The following ZFHX3 variants were observed in gnomAD, a reference collection of about 807,000 sequenced individuals.
ZFHX3 encodes zinc finger homeobox 3, also known as zinc finger homeobox protein 3.
A neutral mutation model predicts 279.1 loss-of-function variants in ZFHX3; 42 were observed. The ratio of observed to expected loss-of-function variants is 0.15; its 90% CI spans 0.12 to 0.19. The LOEUF is 0.19. ZFHX3 is among the 10% of genes least tolerant of loss of function. The probability of loss-of-function intolerance (pLI) is 1.00; values close to 1 mark genes in which losing one functional copy is unlikely to be tolerated. For synonymous variants in ZFHX3, 2,293 were observed against 1,957.8 expected (o/e 1.17, Z -4.52); for missense variants, 4,981 against 4,754.0 (o/e 1.05, Z -1.40).
chr16:73,506,671 C>A (rs1457940042), intron 2 of ZFHX3, among the ~76,000 whole-genome samples: 3 of 152,164 alleles, frequency 2.0e-5, no homozygotes, highest in Non-Finnish European at 4.4e-5. Context: ...CGCGACCAAT[C>A]AGCCTTCTCC....
At chr16:73,559,880 C>T (rs2020344634) in intron 2 of ZFHX3, among the ~76,000 whole-genome samples, 1 of 152,148 alleles carries the variant, frequency 6.6e-6, no homozygotes, top group Admixed American at 6.5e-5. Context: ...CAGGCCTGAG[C>T]CTAGGACAAA....
intron 7 of ZFHX3, chr16:73,127,050 C>T (rs1423930955): frequency 4.2e-6 from 1 of 235,670 alleles, no homozygotes; most frequent in East Asian, 1.2e-4. Context: ...TCTTGACTCT[C>T]CAATTTCAGC....
At chr16:73,532,758 T>A (rs911861850) in intron 2 of ZFHX3, among the ~76,000 whole-genome samples, 4 of 152,316 alleles carry the variant, frequency 2.6e-5, no homozygotes, top group African/African-American at 9.6e-5. Context: ...ATTGTTATAA[T>A]CTTCACATGT....
intron 2 of ZFHX3, among the ~76,000 whole-genome samples, chr16:73,632,097 A>G (rs935508229): frequency 3.9e-5 from 6 of 152,254 alleles, no homozygotes; most frequent in Non-Finnish European, 7.3e-5. Context: ...ACAGATTATC[A>G]AAAGAGTCAT....
At chr16:72,880,389 G>C (rs1293377486) in intron 4 of ZFHX3, among the ~76,000 whole-genome samples, 2 of 152,102 alleles carry the variant, frequency 1.3e-5, no homozygotes, top group African/African-American at 4.8e-5. Flanking sequence ...GTTAACGTGA[G>C]GCCTTTAGGG....
At chr16:73,117,840 C>T (rs1966450313) in intron 7 of ZFHX3, among the ~76,000 whole-genome samples, 1 of 152,184 alleles carries the variant, frequency 6.6e-6, no homozygotes. Context: ...GCCCCTTCTA[C>T]CATATGAGGA....
chr16:73,102,048 G>C (rs1349909207), intron 7 of ZFHX3, among the ~76,000 whole-genome samples: 2 of 151,762 alleles, frequency 1.3e-5, no homozygotes. Context: ...TGAGTAGCTG[G>C]GATTACAGGC....
chr16:73,037,483 G>A (rs1372104900), intron 1 of ZFHX3, among the ~76,000 whole-genome samples: 2 of 152,138 alleles, frequency 1.3e-5, no homozygotes, highest in Admixed American at 6.6e-5. Context: ...CCAGCCCGGC[G>A]ACAGTTTCAA....
intron 4 of ZFHX3, among the ~76,000 whole-genome samples, chr16:72,887,204 C>T (rs1389543659): frequency 6.6e-6 from 1 of 152,090 alleles, no homozygotes; most frequent in Non-Finnish European, 1.5e-5. Context: ...GGGCAGAGGG[C>T]TTTGGAGGGG....
intron 3 of ZFHX3, among the ~76,000 whole-genome samples, chr16:72,934,458 T>C (rs1385382458): frequency 6.6e-6 from 1 of 152,154 alleles, no homozygotes; most frequent in East Asian, 1.9e-4. Context: ...TCCACAAGTA[T>C]GTGAGAAGAA....
intron 8 of ZFHX3, among the ~76,000 whole-genome samples, chr16:73,071,582 A>G (rs1053287498): frequency 1.3e-5 from 2 of 152,124 alleles, no homozygotes; most frequent in African/African-American, 4.8e-5. Context: ...GAAAGCCAGG[A>G]TGCAGAGAGG....
chr16:73,608,739 T>C (rs781068465), intron 2 of ZFHX3: 25 of 152,210 alleles, frequency 1.6e-4, no homozygotes, highest in Non-Finnish European at 3.1e-4. Flanking sequence ...GGATACTGTA[T>C]GTTTGTCAGC....
intron 3 of ZFHX3, among the ~76,000 whole-genome samples, chr16:73,372,824 A>C (rs2016654983): frequency 6.6e-6 from 1 of 152,160 alleles, no homozygotes; most frequent in South Asian, 2.1e-4. Context: ...AAAAATAGTA[A>C]TGAAACCCTC....
intron 2 of ZFHX3, among the ~76,000 whole-genome samples, chr16:73,555,563 G>T (rs1422809329): frequency 6.6e-6 from 1 of 150,822 alleles, no homozygotes; most frequent in Non-Finnish European, 1.5e-5. Context: ...GGGTGCCGGG[G>T]CTCACGCCTG....
chr16:73,308,753 G>A (rs1401968716), intron 4 of ZFHX3, among the ~76,000 whole-genome samples: 5 of 151,754 alleles, frequency 3.3e-5, no homozygotes, highest in Non-Finnish European at 4.4e-5. Context: ...AGACATATGA[G>A]TATTAGACTT....
rs199733661 is a variant in ZFHX3, at chr16:72,811,731, C to T, written c.3710G>A (p.Arg1237Gln). 92 of 1,614,054 alleles carry T rather than the reference C, an allele frequency of 5.7e-5. No homozygotes were observed. Among genetic ancestry groups the T allele is most frequent in the Admixed American group, 3.3e-4 (20 of 60,018 alleles). The change falls in exon 7 of 10, where the codon CGG becomes CAG. Residue 1237 changes from arginine (R) to glutamine (Q), a missense_variant. By Grantham distance (43) the Arg-to-Gln change is conservative. Coordinates refer to ENST00000268489, the MANE Select transcript of ZFHX3 (RefSeq NM_006885.4). Reference protein sequence around the residue: ...YCKYSNADVNRLRVHAMTQHS... With the variant: ...YCKYSNADVNQLRVHAMTQHS... ...CTGCGTCATGGCATGCACCCGGAGC[C>T]GGTTGACATCGGCATTACTGTACTT...
intron 5 of ZFHX3, among the ~76,000 whole-genome samples, chr16:73,173,080 T>A (rs1967578174): frequency 7.0e-6 from 1 of 143,502 alleles, no homozygotes; most frequent in East Asian, 2.2e-4. Context: ...TTTTTCTCAG[T>A]TCTGGGAAAA....
chr16:72,899,677 C>T (rs948744819), intron 3 of ZFHX3, among the ~76,000 whole-genome samples: 1 of 152,148 alleles, frequency 6.6e-6, no homozygotes, highest in East Asian at 1.9e-4. Context: ...ATCTCACTAG[C>T]TGTGCCACGT....
intron 4 of ZFHX3, among the ~76,000 whole-genome samples, chr16:73,272,774 T>G (rs970267233): frequency 1.3e-5 from 2 of 152,026 alleles, no homozygotes; most frequent in Non-Finnish European, 2.9e-5. Flanking sequence ...TGAGACAGAG[T>G]GTTACTCTGT....
Sources: gnomAD v4.1 joint callset for allele counts (sites outside exome capture counted in the v4.1 genomes callset) on GRCh38, gnomAD v4.1.1 for gene constraint, MANE v1.5 for transcripts, NCBI Gene and HGNC (gene_info 2026-07-23, HGNC 2026-07-21) for gene names.